FN1: variants seen among roughly 807,000 people sequenced by gnomAD.
FN1 encodes fibronectin.
In FN1, 106 loss-of-function variants were observed where a neutral mutation model predicts 297.3. The ratio of observed to expected loss-of-function variants is 0.36; its 90% CI spans 0.30 to 0.42. FN1 has a LOEUF of 0.42. Ranked by LOEUF, FN1 falls within the 10% of genes least tolerant of loss-of-function variation. The pLI is 1.00. For missense variants in FN1, 2,690 were observed against 3,124.9 expected (o/e 0.86, Z 3.32); for synonymous variants, 1,149 against 1,152.6 (o/e 1.00, Z 0.06).
At chr2:215,385,341 C>A (rs2058787768) in intron 28 of FN1, among the ~76,000 whole-genome samples, 1 of 150,164 alleles carries the variant, frequency 6.7e-6, no homozygotes, top group Non-Finnish European at 1.5e-5. Context: ...GCGGGTGGAT[C>A]ATTTGAGGTC....
In FN1 at chr2:215,367,978, G is replaced by A. The variant is rs1031907076; in HGVS notation, c.6903C>T (p.Tyr2301=). The A allele has an allele frequency of 2.5e-6, 4 of 1,614,220 alleles. 1 individual carries two copies. The South Asian group carries it at 3.3e-5, about 13-fold the overall frequency. The change falls in exon 42 of 46, where the codon TAC becomes TAT. Residue 2301 remains tyrosine, a synonymous_variant. Coordinates refer to ENST00000354785, the MANE Select transcript of FN1 (RefSeq NM_212482.4). The part of the protein sequence containing the change: ...QPTDDSCFDP[Y]TVSHYAVGDE... ...CTCCAACGGCATAATGGGAAACTGT[G>A]TAGGGGTCAAAGCACGAGTCATCCG...
At position 215,407,339 on chromosome 2, in the gene FN1, A is replaced by G. The variant is rs758740210; in HGVS notation, c.2519-18T>C. On this transcript the variant is annotated intron_variant, in intron 17 of 45. Transcript: ENST00000354785. Reference sequence around the variant, plus strand: ...TCTGTACCCTGCAGATTCATGAGCAAAAGTAAGATGCACTGTTTTCTTTGA... The same window carrying G: ...TCTGTACCCTGCAGATTCATGAGCAGAAGTAAGATGCACTGTTTTCTTTGA... 9 of 1,603,128 alleles carry G rather than the reference A, an allele frequency of 5.6e-6. No individual in the cohort carries two copies. The highest frequency in any genetic ancestry group is 7.7e-6 in the Non-Finnish European group (9 of 1,170,102).
At position 215,410,025 on chromosome 2, in the gene FN1, G is replaced by A. The variant is rs368252734; in HGVS notation, c.2031C>T (p.Tyr677=). 85 of 1,613,874 alleles carry A rather than the reference G, an allele frequency of 5.3e-5. No homozygotes were observed. Among genetic ancestry groups the A allele is most frequent in the African/African-American group, 9.3e-5 (7 of 74,876 alleles). ...TIKGLKPGVV[Y]EGQLISIQQY... ...GCTGGATGCTGATGAGCTGGCCCTC[G>A]TATACCACACCAGGCTTCAGGCCTT... The change falls in exon 14 of 46, where the codon TAC becomes TAT. Residue 677 remains tyrosine, a synonymous_variant. Coordinates refer to ENST00000354785, the MANE Select transcript of FN1 (RefSeq NM_212482.4).
At chr2:215,423,287 G>T in intron 9 of FN1, 63 bp downstream of exon 9, 1 of 1,544,328 alleles carries the variant, frequency 6.5e-7, no homozygotes, top group Non-Finnish European at 8.9e-7. Context: ...CTGGACACTA[G>T]TCTTTAGTCT....
chr2:215,426,191 C>G (rs2065360542), intron 6 of FN1, among the ~76,000 whole-genome samples: 1 of 135,396 alleles, frequency 7.4e-6, no homozygotes, highest in African/African-American at 2.7e-5. Context: ...CTCTGTCACC[C>G]AGGCTGGAGT....
At chr2:215,368,876 A>G (rs1209840070) in intron 41 of FN1, among the ~76,000 whole-genome samples, 1 of 152,180 alleles carries the variant, frequency 6.6e-6, no homozygotes, top group Non-Finnish European at 1.5e-5. Context: ...GCATGCTTCA[A>G]ATTATTCCCT....
At chr2:215,402,901 A>G (rs1334810717) in intron 20 of FN1, among the ~76,000 whole-genome samples, 2 of 152,162 alleles carry the variant, frequency 1.3e-5, no homozygotes, top group Admixed American at 6.5e-5. Flanking sequence ...CCTTCCCTTA[A>G]TTATTGTTAG....
At chr2:215,411,202 C>T (rs1394639444) in intron 13 of FN1, among the ~76,000 whole-genome samples, 2 of 152,096 alleles carry the variant, frequency 1.3e-5, no homozygotes, top group Admixed American at 1.3e-4. Context: ...CATTAATATG[C>T]CATGGGTCAC....
Position 215,361,213 on chromosome 2 carries a change from T to C in FN1, c.*342A>G, listed in dbSNP as rs2053387401. The C allele has an allele frequency of 3.6e-6, 1 of 278,828 alleles. No individual in the cohort carries two copies. The highest frequency in any genetic ancestry group is 4.8e-5 in the Admixed American group (1 of 20,766). 17.3% of individuals were successfully genotyped at this position (278,828 alleles called of 1,614,324 possible). ...TGGGTGACTTTCCTACTTAAAATTT[T>C]GGTCATATCATTTCAAAACATTTGC... is the stretch of plus-strand genomic sequence containing the variant. On this transcript the variant is annotated 3_prime_UTR_variant, in exon 46 of 46. Coordinates refer to ENST00000354785, the MANE Select transcript of FN1 (RefSeq NM_212482.4).
chr2:215,398,307 T>C (rs373972139), intron 21 of FN1, among the ~76,000 whole-genome samples: 73 of 152,354 alleles, frequency 4.8e-4, no homozygotes, highest in African/African-American at 1.6e-3. Flanking sequence ...ACACACCTTT[T>C]GAAGAGATAT....
At chr2:215,432,107 T>A in intron 3 of FN1, 143 bp from the exon 4 acceptor site, 1 of 911,474 alleles carries the variant, frequency 1.1e-6, no homozygotes, top group Non-Finnish European at 1.8e-6. Context: ...GGGGAAACGT[T>A]AACAGGTCTG....
intron 12 of FN1, among the ~76,000 whole-genome samples, chr2:215,418,717 A>G (rs550500722): frequency 6.6e-6 from 1 of 152,306 alleles, no homozygotes; most frequent in Non-Finnish European, 1.5e-5. Context: ...GTGGGCAGAG[A>G]GTTGACCAAG....
At position 215,397,718 on chromosome 2, in the gene FN1, T is replaced by C. The variant is rs768213883; in HGVS notation, c.3479A>G (p.Gln1160Arg). The C allele has an allele frequency of 1.2e-6, 2 of 1,614,110 alleles. No homozygotes were observed. Among genetic ancestry groups the C allele is most frequent in the Middle Eastern group, 3.3e-4 (2 of 6,060 alleles). Residue 1160 changes from glutamine (Q) to arginine (R), a missense_variant, in exon 22 of 46, where the codon CAG becomes CGG. Gln to Arg is a conservative substitution (Grantham distance 43). Around this residue, in one of 3 missense-constraint regions of FN1, gnomAD observed 1,743 missense variants for 1,945.2 expected, o/e 0.90. Coordinates refer to ENST00000354785, the MANE Select transcript of FN1 (RefSeq NM_212482.4). Reference sequence around the variant, plus strand: ...GTTTACAATTGGCGCATCTCTTTCCTGTCCATCTCTCAGGACTTGGATGGT... The same window carrying C: ...GTTTACAATTGGCGCATCTCTTTCCCGTCCATCTCTCAGGACTTGGATGGT... ...VYTIQVLRDG[Q>R]ERDAPIVNKV...
chr2:215,427,876 G>A (rs771706706), intron 6 of FN1, among the ~76,000 whole-genome samples: 45 of 152,098 alleles, frequency 3.0e-4, no homozygotes, highest in Admixed American at 8.5e-4. Flanking sequence ...GCGTGTGTGC[G>A]TGATCTATCC....
Position 215,384,009 on chromosome 2 carries a change from G to A in FN1, c.4894+11C>T, listed in dbSNP as rs2058574703. 1 of 1,613,774 alleles carries A rather than the reference G, an allele frequency of 6.2e-7. No homozygotes were observed. The highest frequency in any genetic ancestry group is 1.3e-5 in the African/African-American group (1 of 74,922). ...TAAAAGCTGGTGTCACCCCAGAGTA[G>A]AAGTTTGTACCTGTTCGGTAATTAA... On this transcript the variant is annotated intron_variant, in intron 30 of 45. Transcript: ENST00000354785.
At chr2:215,428,722 A>G (rs1330914588) in intron 5 of FN1, among the ~76,000 whole-genome samples, 4 of 152,152 alleles carry the variant, frequency 2.6e-5, no homozygotes, top group African/African-American at 4.8e-5. Flanking sequence ...ACCTTGCTTT[A>G]GAAAACTAAA....
Position 215,388,243 on chromosome 2 carries a change from C to G in FN1, c.4311G>C (p.Glu1437Asp). Residue 1437 changes from glutamate to aspartate, a missense_variant, in exon 27 of 46, where the codon GAG (glutamate) becomes GAC (aspartate). This residue lies in a region of FN1 where 1,743 missense variants were observed against 1,945.2 expected (regional missense o/e 0.90). Transcript: ENST00000354785. ...VSVSSVYEQHESTPLRGRQKT... is the reference protein window; with the variant it reads ...VSVSSVYEQHDSTPLRGRQKT... Reference sequence around the variant, plus strand: ...TCTGTCTTCCTCTAAGAGGTGTGCTCTCATGTTGTTCGTAGACACTGGAGA... The same window carrying G: ...TCTGTCTTCCTCTAAGAGGTGTGCTGTCATGTTGTTCGTAGACACTGGAGA... 2.7e-5 allele frequency: 43 copies of G among 1,614,040 alleles called. No homozygotes were observed. Among genetic ancestry groups the G allele is most frequent in the Non-Finnish European group, 3.6e-5 (43 of 1,179,904 alleles).
intron 3 of FN1, 96 bp downstream of exon 3, chr2:215,433,228 G>A (rs1417409051): frequency 1.3e-6 from 2 of 1,502,338 alleles, no homozygotes; most frequent in Non-Finnish European, 1.9e-6. Flanking sequence ...TCAAAGTTCG[G>A]AATATCCAGT....
rs1030854147 is a variant in FN1 at position 215,414,942 on chromosome 2, G to A, written c.1836C>T (p.Val612=). 2.2e-5 allele frequency: 35 copies of A among 1,613,452 alleles called. No homozygotes were observed. Among genetic ancestry groups the A allele is most frequent in the African/African-American group, 2.7e-5 (2 of 74,864 alleles). ...LQTYPSSSGP[V]EVFITETPSQ... is the part of the protein sequence containing the mutation. The stretch of plus-strand genomic sequence containing the variant: ...TCGGAGTCTCAGTGATAAATACTTC[G>A]ACAGGACCACTTGAGCCTGAAAATG... The change falls in exon 13 of 46, where the codon GTC becomes GTT. Residue 612 remains valine, a synonymous_variant. Coordinates refer to ENST00000354785, the MANE Select transcript of FN1 (RefSeq NM_212482.4).
Sources: allele counts gnomAD v4.1 joint callset (sites outside exome capture counted in the v4.1 genomes callset), GRCh38; gene constraint gnomAD v4.1.1; regional missense constraint gnomAD v4.1.1; transcripts MANE v1.5; gene names NCBI Gene and HGNC (gene_info 2026-07-23, HGNC 2026-07-21).